MTHFD2L: variants seen among roughly 807,000 people sequenced by gnomAD.
MTHFD2L encodes methylenetetrahydrofolate dehydrogenase (NADP+ dependent) 2 like.
A neutral mutation model predicts 34.9 loss-of-function variants in MTHFD2L; 29 were observed. The ratio of observed to expected loss-of-function variants is 0.83; its 90% CI spans 0.62 to 1.13. MTHFD2L has a LOEUF of 1.13. Among genes scored for constraint, MTHFD2L ranks in the 50% most tolerant of loss-of-function variants. The probability of loss-of-function intolerance (pLI) is 0.00; values close to 1 mark genes in which losing one functional copy is unlikely to be tolerated. For synonymous variants in MTHFD2L, 167 were observed against 155.7 expected (o/e 1.07, Z -0.54); for missense variants, 481 against 446.5 (o/e 1.08, Z -0.70).
intron 7 of MTHFD2L, chr4:74,293,531 T>G: frequency 1.0e-6 from 1 of 984,186 alleles, no homozygotes; most frequent in Non-Finnish European, 1.2e-6. Flanking sequence ...AGAAAACTTG[T>G]GGAAACCTCA....
chr4:74,270,928 T>G (rs988573661), intron 6 of MTHFD2L, among the ~76,000 whole-genome samples: 2 of 152,138 alleles, frequency 1.3e-5, no homozygotes, highest in Non-Finnish European at 2.9e-5. Context: ...CCAGTGAGGA[T>G]GAGCATTTTT....
chr4:74,158,174 C>T lies in MTHFD2L; in HGVS notation c.36C>T (p.Arg12=), dbSNP rs753057192. The change falls in exon 1 of 8, where the codon CGC becomes CGT. Residue 12 remains arginine, a synonymous_variant. Coordinates refer to ENST00000325278, the MANE Select transcript of MTHFD2L (RefSeq NM_001144978.3). ...TVPVRGFSLL[R]GRLGRAPALG... Reference sequence around the variant, plus strand: ...CGGTCCGCGGCTTCTCGCTGCTCCGCGGCCGCCTTGGCCGAGCGCCGGCGT... The same window carrying T: ...CGGTCCGCGGCTTCTCGCTGCTCCGTGGCCGCCTTGGCCGAGCGCCGGCGT... The T allele has an allele frequency of 9.4e-5, 143 of 1,528,640 alleles. 1 individual carries two copies. In the African/African-American group the frequency reaches 1.5e-3, roughly 16 times the overall value. The allele number at this position is 1,528,640 out of a possible 1,614,324, so 94.7% of individuals were successfully genotyped here.
At chr4:74,202,522 A>C (rs1734616396) in intron 5 of MTHFD2L, among the ~76,000 whole-genome samples, 1 of 152,148 alleles carries the variant, frequency 6.6e-6, no homozygotes, top group South Asian at 2.1e-4. Flanking sequence ...AATACAGCAA[A>C]GGGGTGATGG....
At chr4:74,168,222 T>A (rs1727171945) in intron 1 of MTHFD2L, among the ~76,000 whole-genome samples, 1 of 152,244 alleles carries the variant, frequency 6.6e-6, no homozygotes, top group Non-Finnish European at 1.5e-5. Context: ...TATAATCTGA[T>A]GTCCCATTCC....
At chr4:74,282,075 GT>G (rs1482788387) in intron 7 of MTHFD2L, among the ~76,000 whole-genome samples, 4 of 151,976 alleles carry the variant, frequency 2.6e-5, no homozygotes, top group Non-Finnish European at 5.9e-5. Context: ...CTAAGCTAAA[GT>G]TTTTGTGGTC....
intron 3 of MTHFD2L, among the ~76,000 whole-genome samples, chr4:74,186,324 G>C (rs1355043963): frequency 6.7e-6 from 1 of 150,312 alleles, no homozygotes; most frequent in Non-Finnish European, 1.5e-5. Context: ...AGAAAGTCAA[G>C]GATGTCCACT....
chr4:74,171,192 ATTATT>A (rs1328417406), intron 1 of MTHFD2L, among the ~76,000 whole-genome samples: 3 of 152,204 alleles, frequency 2.0e-5, no homozygotes, highest in Non-Finnish European at 2.9e-5. Context: ...AAAAGACTTA[ATTATT>A]TAATTCACTA....
At chr4:74,157,843 C>T (rs1034390278), upstream of MTHFD2L, 4 of 594,634 alleles carry the variant, frequency 6.7e-6, no homozygotes, top group African/African-American at 7.3e-5. Flanking sequence ...GGAATGCCAG[C>T]TATATGTTGG....
chr4:74,241,458 A>G, intron 6 of MTHFD2L: 2 of 205,034 alleles, frequency 9.8e-6, no homozygotes, highest in South Asian at 1.2e-4. Flanking sequence ...CAGTGGCGCA[A>G]TCATGGCTCA....
chr4:74,158,344 G>A (rs1724620555), intron 1 of MTHFD2L, 63 bp downstream of exon 1: 3 of 1,143,126 alleles, frequency 2.6e-6, no homozygotes, highest in Non-Finnish European at 3.2e-6. Context: ...GGGGGCGCGG[G>A]CGGCGCTCGC....
intron 1 of MTHFD2L, among the ~76,000 whole-genome samples, chr4:74,128,454 C>A (rs1207545618): frequency 6.6e-6 from 1 of 151,998 alleles, no homozygotes; most frequent in Non-Finnish European, 1.5e-5. Flanking sequence ...GTTTTCCCAG[C>A]ACCATTTATG....
intron 6 of MTHFD2L, among the ~76,000 whole-genome samples, chr4:74,269,334 A>G (rs998499638): frequency 1.1e-4 from 17 of 152,116 alleles, no homozygotes; most frequent in African/African-American, 3.9e-4. Context: ...TGTTAGACAG[A>G]ATTTTCTAAA....
At chr4:74,215,411 AC>A (rs1361490820) in intron 5 of MTHFD2L, among the ~76,000 whole-genome samples, 8 of 151,796 alleles carry the variant, frequency 5.3e-5, no homozygotes, top group African/African-American at 1.7e-4. Flanking sequence ...ATCGTCCCTC[AC>A]ATCACAGTTT....
chr4:74,150,707 T>C (rs533077302), intron 1 of MTHFD2L, among the ~76,000 whole-genome samples: 1 of 152,182 alleles, frequency 6.6e-6, no homozygotes, highest in South Asian at 2.1e-4. Context: ...ATGACACACA[T>C]CAAAACAAAG....
At position 74,276,064 on chromosome 4, in the gene MTHFD2L, A is replaced by G. The variant is rs554378042; in HGVS notation, c.806-5361A>G. 9.9e-5 allele frequency among the ~76,000 whole-genome samples: 15 copies of G among 152,178 alleles called. No homozygotes were observed. The South Asian group carries it at 3.1e-3, about 32-fold the overall frequency. On this transcript the variant is annotated intron_variant, in intron 6 of 7. Coordinates refer to ENST00000325278, the MANE Select transcript of MTHFD2L (RefSeq NM_001144978.3). ...GGTATTGCAAAGCAAGTCTTTTAACATGCCTTATGGAGGCTTGCTTAGAAT... is the reference window on the plus strand; with the variant it reads ...GGTATTGCAAAGCAAGTCTTTTAACGTGCCTTATGGAGGCTTGCTTAGAAT...
intron 6 of MTHFD2L, among the ~76,000 whole-genome samples, chr4:74,237,170 G>A (rs1246584): frequency 0.25 from 37,414 of 152,036 alleles, 4,767 homozygotes; most frequent in African/African-American, 0.31. Flanking sequence ...CATGACATAT[G>A]TGATGAGTAG....
intron 1 of MTHFD2L, chr4:74,162,151 C>T (rs1725593657): frequency 6.6e-6 from 1 of 152,194 alleles, no homozygotes; most frequent in Admixed American, 6.5e-5. Context: ...TAGCCAGCTG[C>T]TCCACTTAAT....
In MTHFD2L at chr4:74,201,295, G is replaced by C; in HGVS notation, c.637G>C (p.Ala213Pro). 1 of 1,613,612 alleles carries C rather than the reference G, an allele frequency of 6.2e-7. No individual in the cohort carries two copies. The highest frequency in any genetic ancestry group is 8.5e-7 in the Non-Finnish European group (1 of 1,179,740). Reference protein sequence around the residue: ...IQTFGKNVVVAGRSKNVGMPI... With the variant: ...IQTFGKNVVVPGRSKNVGMPI... ...AACATTTGGAAAAAATGTGGTTGTGGCTGGAAGATCCAAGAACGTAGGGAT... is the reference window on the plus strand; with the variant it reads ...AACATTTGGAAAAAATGTGGTTGTGCCTGGAAGATCCAAGAACGTAGGGAT... The change falls in exon 5 of 8, where the codon GCT (alanine) becomes CCT (proline). Residue 213 changes from alanine to proline, a missense_variant. By Grantham distance (27) the Ala-to-Pro change is conservative (BLOSUM62 -1). Transcript: ENST00000325278.
intron 1 of MTHFD2L, among the ~76,000 whole-genome samples, chr4:74,148,444 G>C (rs1723740196): frequency 6.6e-6 from 1 of 151,278 alleles, no homozygotes; most frequent in African/African-American, 2.4e-5. Context: ...CTGGAGTGCA[G>C]TGGCGTGGTT....
Sources: allele counts gnomAD v4.1 joint callset (sites outside exome capture counted in the v4.1 genomes callset), GRCh38; gene constraint gnomAD v4.1.1; transcripts MANE v1.5; gene names NCBI Gene and HGNC (gene_info 2026-07-23, HGNC 2026-07-21).